ALB: variants seen among roughly 807,000 people sequenced by gnomAD.
ALB encodes the protein serum albumin.
In ALB, 37 loss-of-function variants were observed where a neutral mutation model predicts 74.5. The ratio of observed to expected loss-of-function variants is 0.50; its 90% CI spans 0.38 to 0.65. ALB has a LOEUF of 0.65. Among genes scored for constraint, ALB ranks in the 30% least tolerant of loss-of-function variants. The pLI is 0.00. For missense variants in ALB, 685 were observed against 718.7 expected (o/e 0.95, Z 0.54); for synonymous variants, 249 against 251.6 (o/e 0.99, Z 0.10).
rs1236915932 is a variant in ALB at position 73,415,100 on chromosome 4, A to G, written c.1124A>G (p.Lys375Arg). ...YSVVLLLRLAKTYETTLEKCC... is the reference protein window; with the variant it reads ...YSVVLLLRLARTYETTLEKCC... ...GTCGTGCTGCTGCTGAGACTTGCCAAGACATATGAAACCACTCTAGAGAAG... is the reference window on the plus strand; with the variant it reads ...GTCGTGCTGCTGCTGAGACTTGCCAGGACATATGAAACCACTCTAGAGAAG... Residue 375 changes from lysine to arginine, a missense_variant, in exon 9 of 15, where the codon AAG becomes AGG. By Grantham distance (26) the Lys-to-Arg change is conservative. Transcript: ENST00000295897. 1 of 1,614,164 alleles carries G rather than the reference A, an allele frequency of 6.2e-7. No individual in the cohort carries two copies. Among genetic ancestry groups the G allele is most frequent in the East Asian group, 2.2e-5 (1 of 44,884 alleles).
intron 3 of ALB, 52 bp from the exon 4 acceptor site, chr4:73,408,542 A>G: frequency 6.7e-7 from 1 of 1,489,636 alleles, no homozygotes; most frequent in Admixed American, 1.7e-5. Flanking sequence ...TTCTTTGGCT[A>G]TAAAGAAAAA....
At chr4:73,417,848 T>C (rs1163071635) in intron 11 of ALB, among the ~76,000 whole-genome samples, 179 bp downstream of exon 11, 2 of 151,496 alleles carry the variant, frequency 1.3e-5, no homozygotes, top group East Asian at 1.9e-4. Context: ...CCGAGGATGA[T>C]AATTTTTTTT....
At chr4:73,409,883 G>T (rs1287893135) in intron 5 of ALB, among the ~76,000 whole-genome samples, 1 of 152,046 alleles carries the variant, frequency 6.6e-6, no homozygotes, top group Non-Finnish European at 1.5e-5. Context: ...AGATGCCTGA[G>T]TTCATGCATT....
intron 5 of ALB, among the ~76,000 whole-genome samples, 193 bp from the exon 6 acceptor site, chr4:73,410,119 G>C (rs1718834755): frequency 6.6e-6 from 1 of 152,100 alleles, no homozygotes; most frequent in Non-Finnish European, 1.5e-5. Flanking sequence ...GAATTCCGCT[G>C]TGACCAGAAT....
chr4:73,405,295 T>C (rs1468562227), intron 2 of ALB, 122 bp downstream of exon 2: 1 of 826,692 alleles, frequency 1.2e-6, no homozygotes, highest in Non-Finnish European at 2.0e-6. Flanking sequence ...CTCGTAGAGT[T>C]TTCTGCGTTG....
At chr4:73,409,174 T>A in intron 4 of ALB, 181 bp from the exon 5 acceptor site, 1 of 640,340 alleles carries the variant, frequency 1.6e-6, no homozygotes, top group Non-Finnish European at 2.6e-6. Flanking sequence ...CACACACACT[T>A]AACCCTTTTT....
rs1719124900 is a variant in ALB, at chr4:73,420,870, C to A, written c.*24-222C>A. On this transcript the variant is annotated intron_variant, in intron 14 of 14. Transcript: ENST00000295897. ...ATTTCCAATTTGTCAACATGCTGAG[C>A]TTTAATAGGACTTATCTTCTTATGA... The A allele has an allele frequency of 2.3e-5, 10 of 428,074 alleles. No homozygotes were observed. The South Asian group carries it at 4.8e-4, about 21-fold the overall frequency. The allele number at this position is 428,074 out of a possible 1,614,324, so 26.5% of individuals were successfully genotyped here. A position where few individuals can be genotyped will look rare whatever the true frequency, so the allele number is the denominator to read the frequency against.
chr4:73,409,276 G>A (rs772426290), intron 4 of ALB, 79 bp from the exon 5 acceptor site: 3 of 1,493,684 alleles, frequency 2.0e-6, no homozygotes, highest in Admixed American at 1.7e-5. Flanking sequence ...TGGAGGTTCT[G>A]GGGAGAATGT....
chr4:73,412,041 A>G lies in ALB; in HGVS notation c.759A>G (p.Ala253=), dbSNP rs543929168. 196 of 1,614,194 alleles carry G rather than the reference A, an allele frequency of 1.2e-4. 2 individuals are homozygous for G. The South Asian group carries it at 2.0e-3, about 17-fold the overall frequency. The change falls in exon 7 of 15, where the codon GCA becomes GCG. Residue 253 remains alanine (A), a synonymous_variant. Transcript: ENST00000295897. The stretch of plus-strand genomic sequence containing the variant: ...AGAGATTTCCCAAAGCTGAGTTTGC[A>G]GAAGTTTCCAAGTTAGTGACAGATC... ...LSQRFPKAEF[A]EVSKLVTDLT... is the part of the protein sequence containing the mutation.
intron 2 of ALB, among the ~76,000 whole-genome samples, chr4:73,406,030 T>G (rs530081962): frequency 6.6e-6 from 1 of 152,168 alleles, no homozygotes; most frequent in African/African-American, 2.4e-5. Flanking sequence ...GGAAGGCTGA[T>G]GCAGGAGGAT....
chr4:73,408,881 A>C (rs1047241966), intron 4 of ALB, 76 bp downstream of exon 4: 1 of 1,250,060 alleles, frequency 8.0e-7, no homozygotes, highest in Non-Finnish European at 1.1e-6. Context: ...TATAAAAATT[A>C]CCATAACAAA....
chr4:73,420,877 A>T (rs888686538), intron 14 of ALB: 8 of 440,930 alleles, frequency 1.8e-5, no homozygotes, highest in Non-Finnish European at 3.2e-5. Context: ...GAGCTTTAAT[A>T]GGACTTATCT....
rs1719095207 is a variant in ALB at position 73,419,541 on chromosome 4, G to A, written c.1687G>A (p.Ala563Thr). The A allele has an allele frequency of 1.9e-6, 3 of 1,613,542 alleles. No homozygotes were observed. The highest frequency in any genetic ancestry group is 2.5e-6 in the Non-Finnish European group (3 of 1,179,856). ...LVELVKHKPK[A>T]TKEQLKAVMD... ...TGAGCTCGTGAAACACAAGCCCAAG[G>A]CAACAAAAGAGCAACTGAAAGCTGT... The change falls in exon 13 of 15, where the codon GCA becomes ACA. Residue 563 changes from alanine (A) to threonine (T), a missense_variant. Coordinates refer to ENST00000295897, the MANE Select transcript of ALB (RefSeq NM_000477.7).
At chr4:73,408,197 C>A (rs564106569) in intron 3 of ALB, among the ~76,000 whole-genome samples, 5 of 152,238 alleles carry the variant, frequency 3.3e-5, no homozygotes, top group African/African-American at 1.2e-4. Context: ...AAAAAGGGGG[C>A]AAATGAAATG....
In ALB at chr4:73,414,333, A is replaced by G. The variant is rs186747657; in HGVS notation, c.1058+699A>G. Among the ~76,000 whole-genome samples the G allele has an allele frequency of 9.8e-5, 15 of 152,356 alleles. No homozygotes were observed. In the East Asian group the frequency reaches 2.9e-3, roughly 29 times the overall value. On this transcript the variant is annotated intron_variant, in intron 8 of 14. Transcript: ENST00000295897. Reference sequence around the variant, plus strand: ...ATCTATTTATCAGAATCCTTTTGAGATGTAGTTTAAATCAAACAAAATGTT... The same window carrying G: ...ATCTATTTATCAGAATCCTTTTGAGGTGTAGTTTAAATCAAACAAAATGTT...
At chr4:73,411,090 C>T (rs575916200) in intron 6 of ALB, among the ~76,000 whole-genome samples, 1 of 152,258 alleles carries the variant, frequency 6.6e-6, no homozygotes, top group South Asian at 2.1e-4. Context: ...CCGTCACCCA[C>T]ACTCCTCACC....
At chr4:73,405,823 C>T (rs979742959) in intron 2 of ALB, among the ~76,000 whole-genome samples, 7 of 152,026 alleles carry the variant, frequency 4.6e-5, no homozygotes, top group Non-Finnish European at 1.0e-4. Flanking sequence ...CTCCTGACAT[C>T]GTGATCTGCC....
In ALB at chr4:73,417,520, CT is replaced by C; in HGVS notation, c.1290-4del. On this transcript the variant is annotated splice_polypyrimidine_tract_variant and intron_variant, in intron 10 of 14. Coordinates refer to ENST00000295897, the MANE Select transcript of ALB (RefSeq NM_000477.7). The stretch of plus-strand genomic sequence containing the variant: ...TTGCCTTGCTGAAAACACATGACTT[CT>C]TTTTTTCAGGCTATTAGTTCGTTAC... 40 of 1,613,806 alleles carry C rather than the reference CT, an allele frequency of 2.5e-5. No individual in the cohort carries two copies. The highest frequency in any genetic ancestry group is 3.4e-5 in the Non-Finnish European group (40 of 1,179,838).
chr4:73,414,049 G>A (rs1448291244), intron 8 of ALB, among the ~76,000 whole-genome samples: 1 of 152,124 alleles, frequency 6.6e-6, no homozygotes. Context: ...TAGCAAAGAA[G>A]TATAAAAAGA....
Sources: gnomAD v4.1 joint callset for allele counts (sites outside exome capture counted in the v4.1 genomes callset) on GRCh38, gnomAD v4.1.1 for gene constraint, MANE v1.5 for transcripts, NCBI Gene and HGNC (gene_info 2026-07-23, HGNC 2026-07-21) for gene names.